Variants in FOXP1 observed in about 807,000 individuals in gnomAD.
FOXP1 encodes the protein forkhead box P1.
In FOXP1, 15 loss-of-function variants were observed where a neutral mutation model predicts 98.2. That is an observed-to-expected ratio of 0.15 (90% CI 0.10 to 0.24). The LOEUF (loss-of-function observed/expected upper bound fraction) is 0.24. Among genes scored for constraint, FOXP1 ranks in the 10% least tolerant of loss-of-function variants. The pLI is 1.00. For synonymous variants in FOXP1, 371 were observed against 314.5 expected, an observed-to-expected ratio of 1.18 and a Z score of -1.90; for missense variants, 633 against 848.5, an observed-to-expected ratio of 0.75 and a Z score of 3.15.
chr3:70,973,635 T>C (rs1033826838), intron 17 of FOXP1, among the ~76,000 whole-genome samples: 1 of 152,120 alleles, frequency 6.6e-6, no homozygotes, highest in Non-Finnish European at 1.5e-5. Context: ...AACTTACGGA[T>C]CCAGACTCAA....
chr3:71,171,732 T>C (rs1487454215), intron 6 of FOXP1, among the ~76,000 whole-genome samples: 1 of 152,252 alleles, frequency 6.6e-6, no homozygotes, highest in Admixed American at 6.5e-5. Context: ...AGACACAGAC[T>C]GGAAAATGTG....
intron 5 of FOXP1, chr3:71,210,703 A>G (rs2064390093): frequency 6.6e-6 from 1 of 152,178 alleles, no homozygotes; most frequent in African/African-American, 2.4e-5. Context: ...TACCCTATGG[A>G]TGACTAGGAG....
chr3:71,166,796 GC>G (rs1427845250), intron 6 of FOXP1, among the ~76,000 whole-genome samples: 2 of 151,830 alleles, frequency 1.3e-5, no homozygotes, highest in African/African-American at 4.8e-5. Flanking sequence ...AAAACAAAAA[GC>G]AAAAACAAAA....
intron 6 of FOXP1, among the ~76,000 whole-genome samples, chr3:71,143,797 A>G (rs762377552): frequency 6.6e-6 from 1 of 152,244 alleles, no homozygotes; most frequent in Non-Finnish European, 1.5e-5. Context: ...AGCACCATGT[A>G]AGTGTTACGA....
At chr3:71,541,493 G>A (rs887053795) in intron 2 of FOXP1, among the ~76,000 whole-genome samples, 5 of 152,110 alleles carry the variant, frequency 3.3e-5, no homozygotes, top group African/African-American at 1.2e-4. Flanking sequence ...ACAGTGTGAA[G>A]GACAAAAGAT....
At chr3:71,582,625 G>GA in intron 1 of FOXP1, 1 of 985,446 alleles carries the variant, frequency 1.0e-6, no homozygotes, top group Non-Finnish European at 1.2e-6. Context: ...GGTAAAATCA[G>GA]AAAATGTGTG....
chr3:71,198,425 AG>A (rs747142970), intron 5 of FOXP1, 33 bp from the exon 6 acceptor site: 24 of 530,240 alleles, frequency 4.5e-5, no homozygotes, highest in African/African-American at 4.3e-4. Context: ...GGGGGGAGGG[AG>A]GGGGGGAGAA....
intron 5 of FOXP1, among the ~76,000 whole-genome samples, chr3:71,232,370 C>G (rs1022765429): frequency 1.3e-5 from 2 of 152,136 alleles, no homozygotes; most frequent in African/African-American, 2.4e-5. Flanking sequence ...TTAGCAATGT[C>G]TGCTATGAGA....
At chr3:71,309,020 C>G (rs1340805705) in intron 4 of FOXP1, among the ~76,000 whole-genome samples, 2 of 152,198 alleles carry the variant, frequency 1.3e-5, no homozygotes, top group South Asian at 2.1e-4. Flanking sequence ...CTACCCTAAC[C>G]CACTCTCACT....
intron 2 of FOXP1, among the ~76,000 whole-genome samples, chr3:71,510,671 T>C (rs899581025): frequency 2.0e-5 from 3 of 152,218 alleles, no homozygotes; most frequent in African/African-American, 7.2e-5. Flanking sequence ...AGGGGGCTGA[T>C]GCCTACCAAC....
chr3:71,154,236 A>T (rs182976583), intron 6 of FOXP1, among the ~76,000 whole-genome samples: 30 of 152,192 alleles, frequency 2.0e-4, no homozygotes, highest in Non-Finnish European at 3.4e-4. Context: ...GGGTGTGGTG[A>T]GAACATTTGA....
intron 4 of FOXP1, chr3:71,302,813 C>G (rs570764484): frequency 1.3e-5 from 2 of 152,230 alleles, no homozygotes; most frequent in South Asian, 4.2e-4. Flanking sequence ...TACACAGTGA[C>G]CACAAAAACC....
chr3:70,991,969 G>A (rs2040671266), intron 13 of FOXP1, among the ~76,000 whole-genome samples: 1 of 152,178 alleles, frequency 6.6e-6, no homozygotes, highest in African/African-American at 2.4e-5. Flanking sequence ...CCTAGAGTTA[G>A]ACGGGATTTT....
At chr3:71,420,713 C>CT (rs72420028) in intron 3 of FOXP1, among the ~76,000 whole-genome samples, 2,597 of 145,588 alleles carry the variant, frequency 0.018, 87 homozygotes, top group African/African-American at 0.06. Flanking sequence ...CCTTTTTTTT[C>CT]TTTTTTTTTT....
chr3:71,302,178 T>G (rs1260970057), intron 4 of FOXP1, among the ~76,000 whole-genome samples: 3 of 152,214 alleles, frequency 2.0e-5, no homozygotes, highest in Admixed American at 2.0e-4. Context: ...ACAGACATTT[T>G]TCTAGTTTTG....
rs1223992798 is a variant in FOXP1 at position 71,583,626 on chromosome 3, C to G, written c.-502G>C. 1.4e-5 allele frequency: 14 copies of G among 984,206 alleles called. No individual in the cohort carries two copies. The highest frequency in any genetic ancestry group is 1.8e-5 in the African/African-American group (1 of 56,934). 61.0% of individuals were successfully genotyped at this position (984,206 alleles called of 1,614,324 possible). A position where few individuals can be genotyped will look rare whatever the true frequency, so the allele number is the denominator to read the frequency against. On this transcript the variant is annotated 5_prime_UTR_variant, in exon 1 of 21. Transcript: ENST00000649528. ...AGGTGTTTTCGGGCCTTTCCCCGCG[C>G]GCGCCCACTCCCGCCCGCGCGCGCA...
At chr3:71,304,084 G>A (rs989293730) in intron 4 of FOXP1, among the ~76,000 whole-genome samples, 1 of 152,038 alleles carries the variant, frequency 6.6e-6, no homozygotes, top group Non-Finnish European at 1.5e-5. Flanking sequence ...ATCCTCTGGG[G>A]CCCTCATCAG....
intron 4 of FOXP1, among the ~76,000 whole-genome samples, chr3:71,327,035 A>G (rs1482390772): frequency 6.6e-6 from 1 of 152,170 alleles, no homozygotes; most frequent in Admixed American, 6.5e-5. Context: ...ATACATGGCA[A>G]AGCTTAAAGT....
intron 11 of FOXP1, among the ~76,000 whole-genome samples, chr3:71,020,579 A>G (rs1429297235): frequency 6.6e-6 from 1 of 152,188 alleles, no homozygotes; most frequent in African/African-American, 2.4e-5. Context: ...TTACACTGTT[A>G]GTCCTGTAAG....
Sources: allele counts gnomAD v4.1 joint callset (sites outside exome capture counted in the v4.1 genomes callset), GRCh38; gene constraint gnomAD v4.1.1; transcripts MANE v1.5; gene names NCBI Gene and HGNC (gene_info 2026-07-23, HGNC 2026-07-21).